FOXN3: variants seen among roughly 807,000 people sequenced by gnomAD.
The protein encoded by FOXN3 is forkhead box N3.
In FOXN3, 7 loss-of-function variants were observed where a neutral mutation model predicts 38.4. That is an observed-to-expected ratio of 0.18 (90% CI 0.10 to 0.34). The LOEUF is 0.34. Among genes scored for constraint, FOXN3 ranks in the 10% least tolerant of loss-of-function variants. FOXN3 has a pLI of 1.00. For missense variants in FOXN3, 456 were observed against 613.4 expected (o/e 0.74, Z 2.71); for synonymous variants, 230 against 242.2 (o/e 0.95, Z 0.47).
chr14:89,356,762 A>G (rs1362979197), intron 2 of FOXN3, among the ~76,000 whole-genome samples: 1 of 152,202 alleles, frequency 6.6e-6, no homozygotes, highest in Non-Finnish European at 1.5e-5. Context: ...TCCACTTGTG[A>G]ATACAAAACA....
At chr14:89,418,995 A>G (rs532375041), upstream of FOXN3, among the ~76,000 whole-genome samples, 24 of 148,750 alleles carry the variant, frequency 1.6e-4, 1 homozygote, top group Admixed American at 1.4e-3. Context: ...TATTAAGTAG[A>G]GGTGGCACCT....
At chr14:89,598,610 A>T (rs1896102865) in intron 1 of FOXN3, among the ~76,000 whole-genome samples, 1 of 152,008 alleles carries the variant, frequency 6.6e-6, no homozygotes, top group South Asian at 2.1e-4. Flanking sequence ...AATATCTTTA[A>T]CTCTTCTTCA....
At chr14:89,167,454 G>T (rs1363937790) in intron 5 of FOXN3, among the ~76,000 whole-genome samples, 1 of 152,214 alleles carries the variant, frequency 6.6e-6, no homozygotes, top group African/African-American at 2.4e-5. Flanking sequence ...CCTCCCCAGG[G>T]ATTTAGTTGA....
At chr14:89,333,962 G>T (rs1200526719) in intron 3 of FOXN3, among the ~76,000 whole-genome samples, 1 of 20,178 alleles carries the variant, frequency 5.0e-5, no homozygotes, top group African/African-American at 3.1e-4. Context: ...AGAAAATGTG[G>T]TGTGTATATA....
At chr14:89,290,994 G>T (rs543649045) in intron 3 of FOXN3, 2 of 430,278 alleles carry the variant, frequency 4.6e-6, no homozygotes, top group East Asian at 1.2e-4. Flanking sequence ...TCTGCTCCAC[G>T]TGAGGCCCGT....
chr14:89,597,980 C>A (rs571976214), intron 1 of FOXN3, among the ~76,000 whole-genome samples: 2 of 151,974 alleles, frequency 1.3e-5, no homozygotes, highest in East Asian at 3.9e-4. Context: ...ACTCTAGGAT[C>A]CTTTTTCTAT....
At chr14:89,289,972 C>A (rs1886814513) in intron 3 of FOXN3, among the ~76,000 whole-genome samples, 1 of 152,114 alleles carries the variant, frequency 6.6e-6, no homozygotes, top group African/African-American at 2.4e-5. Context: ...CCCTTTAAAT[C>A]CATAATGTTC....
intron 3 of FOXN3, among the ~76,000 whole-genome samples, chr14:89,294,058 C>A (rs954348548): frequency 6.6e-6 from 1 of 152,204 alleles, no homozygotes; most frequent in Non-Finnish European, 1.5e-5. Flanking sequence ...TACGTCCCTG[C>A]CTCCAGTCCC....
At chr14:89,506,762 T>TGA (rs1265277917) in intron 1 of FOXN3, among the ~76,000 whole-genome samples, 1 of 152,074 alleles carries the variant, frequency 6.6e-6, no homozygotes, top group Non-Finnish European at 1.5e-5. Flanking sequence ...CGGGAGACTT[T>TGA]TCATTTTGTT....
chr14:89,284,567 A>G (rs953489159), intron 3 of FOXN3: 63 of 455,962 alleles, frequency 1.4e-4, no homozygotes, highest in Non-Finnish European at 2.3e-4. Flanking sequence ...GACTCTCTCC[A>G]AGGCAAAGTC....
chr14:89,501,611 C>T (rs910624033), intron 1 of FOXN3, among the ~76,000 whole-genome samples: 1 of 152,142 alleles, frequency 6.6e-6, no homozygotes, highest in Non-Finnish European at 1.5e-5. Flanking sequence ...ATCCATCAGC[C>T]AGAAGTTAAG....
intron 4 of FOXN3, among the ~76,000 whole-genome samples, chr14:89,206,103 C>T (rs1200163988): frequency 6.6e-6 from 1 of 152,200 alleles, no homozygotes; most frequent in Non-Finnish European, 1.5e-5. Context: ...GACTTCCCAG[C>T]CTCCAGAACT....
Position 89,162,290 on chromosome 14 carries a change from A to G in FOXN3, c.*124T>C, listed in dbSNP as rs1262998141. The stretch of plus-strand genomic sequence containing the variant: ...ACAAAATAAAAGGAAAAGAAAAGAA[A>G]GAAAACCAAACCAAAAACAAGAAAA... On this transcript the variant is annotated 3_prime_UTR_variant, in exon 6 of 6. Coordinates refer to ENST00000557258, the MANE Select transcript of FOXN3 (RefSeq NM_005197.4). The surrounding 1 kb of genome is among the most constrained non-coding windows in gnomAD (Gnocchi z 7.2). The G allele has an allele frequency of 5.0e-6, 4 of 796,494 alleles. No individual in the cohort carries two copies. Among genetic ancestry groups the G allele is most frequent in the Non-Finnish European group, 7.5e-6 (4 of 531,210 alleles). 49.3% of individuals were successfully genotyped at this position (796,494 alleles called of 1,614,324 possible). A position where few individuals can be genotyped will look rare whatever the true frequency, so the allele number is the denominator to read the frequency against.
chr14:89,595,066 C>T (rs1380384412), intron 1 of FOXN3, among the ~76,000 whole-genome samples: 1 of 151,726 alleles, frequency 6.6e-6, no homozygotes, highest in Non-Finnish European at 1.5e-5. Context: ...CCTGTAATCC[C>T]AGCACTTTGG....
chr14:89,434,080 C>G (rs955834990), intron 1 of FOXN3, among the ~76,000 whole-genome samples: 1 of 151,416 alleles, frequency 6.6e-6, no homozygotes, highest in Non-Finnish European at 1.5e-5. Context: ...CCTGCCACTA[C>G]GCCCGGCTAA....
At chr14:89,181,836 C>CT (rs1230899289) in intron 4 of FOXN3, among the ~76,000 whole-genome samples, 1 of 152,216 alleles carries the variant, frequency 6.6e-6, no homozygotes, top group Non-Finnish European at 1.5e-5. Flanking sequence ...CTCCCTACGT[C>CT]TGAGGGGCAG....
At chr14:89,391,699 T>C (rs1255763935) in intron 2 of FOXN3, among the ~76,000 whole-genome samples, 1 of 152,182 alleles carries the variant, frequency 6.6e-6, no homozygotes, top group Non-Finnish European at 1.5e-5. Context: ...TTGCAGGCTA[T>C]GTAGCTAATA....
chr14:89,183,477 G>C (rs931505712), intron 4 of FOXN3, among the ~76,000 whole-genome samples: 6 of 152,160 alleles, frequency 3.9e-5, no homozygotes, highest in Non-Finnish European at 7.4e-5. Context: ...GAGCGAGAGA[G>C]AGAGAATGAA....
intron 1 of FOXN3, among the ~76,000 whole-genome samples, chr14:89,601,998 A>C (rs1896162232): frequency 6.6e-6 from 1 of 152,192 alleles, no homozygotes; most frequent in Non-Finnish European, 1.5e-5. Context: ...TGGATATTCT[A>C]CTATTGTTTG....
Sources: gnomAD v4.1 joint callset for allele counts (sites outside exome capture counted in the v4.1 genomes callset) on GRCh38, gnomAD v4.1.1 for gene constraint, Gnocchi (gnomAD v3.1) non-coding constraint, MANE v1.5 for transcripts, NCBI Gene and HGNC (gene_info 2026-07-23, HGNC 2026-07-21) for gene names.